Variants in INTS10 observed in about 807,000 individuals in gnomAD.
The protein encoded by INTS10 is integrator complex subunit 10, also known as chromosome 8 open reading frame 35.
A neutral mutation model predicts 94.4 loss-of-function variants in INTS10; 44 were observed. That is an observed-to-expected ratio of 0.47 (90% CI 0.37 to 0.60). The LOEUF (loss-of-function observed/expected upper bound fraction) is 0.60, where lower values mean the gene tolerates loss of function less well. Among genes scored for constraint, INTS10 ranks in the 20% least tolerant of loss-of-function variants. The pLI is 0.00. For missense variants in INTS10, 797 were observed against 868.7 expected (o/e 0.92, Z 1.04); for synonymous variants, 341 against 320.7 (o/e 1.06, Z -0.68).
intron 9 of INTS10, among the ~76,000 whole-genome samples, chr8:19,828,033 A>AC (rs1050888423): frequency 1.3e-5 from 2 of 151,200 alleles, no homozygotes; most frequent in Non-Finnish European, 3.0e-5. Flanking sequence ...ATATAGTGAG[A>AC]CCCCGTCTCT....
At chr8:19,819,529 A>G (rs2066202066) in intron 2 of INTS10, 44 bp from the exon 3 acceptor site, 1 of 1,476,830 alleles carries the variant, frequency 6.8e-7, no homozygotes, top group African/African-American at 1.4e-5. Flanking sequence ...TGGATACTGT[A>G]TAGACTTTGA....
Position 19,845,811 on chromosome 8 carries a change from C to T in INTS10, c.1976+14C>T, listed in dbSNP as rs746485672. The T allele has an allele frequency of 6.3e-7, 1 of 1,575,192 alleles. No homozygotes were observed. The highest frequency in any genetic ancestry group is 8.7e-7 in the Non-Finnish European group (1 of 1,144,656). On this transcript the variant is annotated intron_variant, in intron 16 of 16. Transcript: ENST00000397977. Reference sequence around the variant, plus strand: ...AATGCTGATCAAGTAAGCATGTTCTCTTTTGCTCTTCCATGCTGAGTGCTC... The same window carrying T: ...AATGCTGATCAAGTAAGCATGTTCTTTTTTGCTCTTCCATGCTGAGTGCTC...
Position 19,849,191 on chromosome 8 carries a change from A to C in INTS10, c.1977-2458A>C. On this transcript the variant is annotated intron_variant, in intron 16 of 16. Coordinates refer to ENST00000397977, the MANE Select transcript of INTS10 (RefSeq NM_018142.4). This position sits in a 1 kb window ranked among gnomAD's most constrained non-coding sequence, Gnocchi z 4.6. Reference sequence around the variant, plus strand: ...TCTAGCCCTCCCATGGGGTTACTGCAGCAGGAATTCTTACCTGTGCTTCAG... The same window carrying C: ...TCTAGCCCTCCCATGGGGTTACTGCCGCAGGAATTCTTACCTGTGCTTCAG... 1 of 1,289,768 alleles carries C rather than the reference A, an allele frequency of 7.8e-7. No homozygotes were observed. The highest frequency in any genetic ancestry group is 1.0e-6 in the Non-Finnish European group (1 of 988,810). 79.9% of individuals were successfully genotyped at this position (1,289,768 alleles called of 1,614,324 possible).
intron 13 of INTS10, among the ~76,000 whole-genome samples, chr8:19,840,387 A>C (rs1164154306): frequency 6.6e-6 from 1 of 152,224 alleles, no homozygotes; most frequent in Non-Finnish European, 1.5e-5. Context: ...ATTTCAAGCA[A>C]AATTACAGCA....
At chr8:19,839,336 A>T (rs74415048) in intron 13 of INTS10, among the ~76,000 whole-genome samples, 2,119 of 152,300 alleles carry the variant, frequency 0.014, 57 homozygotes, top group African/African-American at 0.049. Flanking sequence ...TGGAGATTCT[A>T]GGCAGTACAG....
rs1479862876 is a variant in INTS10, at chr8:19,835,809, T to G, written c.1531-1243T>G. On this transcript the variant is annotated intron_variant, in intron 12 of 16. Transcript: ENST00000397977. ...GCTTTTGGGGCAGTCAGCCATGACC[T>G]AGGGCTGCTGGGGCCACCCAAGGTC... 2.6e-5 allele frequency among the ~76,000 whole-genome samples: 4 copies of G among 152,314 alleles called. No homozygotes were observed. The East Asian group carries it at 7.7e-4, about 29-fold the overall frequency.
rs766838619 is a variant in INTS10, at chr8:19,837,145, C to T, written c.1624C>T (p.Pro542Ser). Residue 542 changes from proline (P) to serine (S), a missense_variant, in exon 13 of 17, where the codon CCC becomes TCC. Physicochemically the swap from Pro to Ser is moderately conservative, Grantham distance 74 (BLOSUM62 -1). Coordinates refer to ENST00000397977, the MANE Select transcript of INTS10 (RefSeq NM_018142.4). ...KSQEEPSKVK[P>S]KFRKGSDLKL... ...CCAGGAGGAACCCTCGAAAGTAAAGCCCAAATTTAGAAAAGGTACAGTGAC... is the reference window on the plus strand; with the variant it reads ...CCAGGAGGAACCCTCGAAAGTAAAGTCCAAATTTAGAAAAGGTACAGTGAC... 117 of 1,606,120 alleles carry T rather than the reference C, an allele frequency of 7.3e-5. No individual in the cohort carries two copies. Among genetic ancestry groups the T allele is most frequent in the Non-Finnish European group, 2.2e-5 (26 of 1,172,890 alleles).
chr8:19,840,256 A>G (rs1408910715), intron 13 of INTS10, among the ~76,000 whole-genome samples: 1 of 152,212 alleles, frequency 6.6e-6, no homozygotes, highest in African/African-American at 2.4e-5. Flanking sequence ...TTTGAATATC[A>G]GAAAACATTT....
chr8:19,819,078 A>G (rs7832638), intron 2 of INTS10, among the ~76,000 whole-genome samples: 29,228 of 152,116 alleles, frequency 0.19, 3,030 homozygotes, highest in Middle Eastern at 0.33. Flanking sequence ...CTACATTACC[A>G]CCAATGGTGT....
In INTS10 at chr8:19,823,918, C is replaced by G. The variant is rs1320903426; in HGVS notation, c.710C>G (p.Ser237Cys). 6.2e-7 allele frequency: 1 copy of G among 1,612,866 alleles called. No individual in the cohort carries two copies. The highest frequency in any genetic ancestry group is 8.5e-7 in the Non-Finnish European group (1 of 1,179,624). ...TTAATGTCACCTAGCAAACGTAGCT[C>G]TCAGAAGTACATAATAGAAGGGCTG... ...SDLMSPSKRS[S>C]QKYIIEGLTE... is the part of the protein sequence containing the mutation. The change falls in exon 7 of 17, where the codon TCT becomes TGT. Residue 237 changes from serine (S) to cysteine (C), a missense_variant. Physicochemically the swap from Ser to Cys is moderately radical, Grantham distance 112. Coordinates refer to ENST00000397977, the MANE Select transcript of INTS10 (RefSeq NM_018142.4).
At chr8:19,838,954 C>T (rs1298973986) in intron 13 of INTS10, among the ~76,000 whole-genome samples, 1 of 152,112 alleles carries the variant, frequency 6.6e-6, no homozygotes, top group Non-Finnish European at 1.5e-5. Context: ...CACCTGTAAT[C>T]CCAGCTACTC....
At chr8:19,834,642 G>A (rs1028674346) in intron 12 of INTS10, among the ~76,000 whole-genome samples, 3 of 152,152 alleles carry the variant, frequency 2.0e-5, no homozygotes, top group Non-Finnish European at 2.9e-5. Flanking sequence ...CAACCTCTGA[G>A]TACATCACTA....
chr8:19,825,038 A>AAGG, intron 8 of INTS10, 66 bp downstream of exon 8: 1 of 1,295,154 alleles, frequency 7.7e-7, no homozygotes, highest in Non-Finnish European at 1.1e-6. Context: ...AAGGAAAATG[A>AAGG]AAGTGTTTAT....
chr8:19,817,700 G>T (rs753494534), intron 1 of INTS10, 34 bp downstream of exon 1: 22 of 1,584,014 alleles, frequency 1.4e-5, no homozygotes, highest in Non-Finnish European at 1.9e-5. Context: ...GCCGCTCTGC[G>T]TGGAGGTGCG....
At chr8:19,830,005 T>C (rs2067109370) in intron 9 of INTS10, among the ~76,000 whole-genome samples, 1 of 152,156 alleles carries the variant, frequency 6.6e-6, no homozygotes, top group Admixed American at 6.5e-5. Flanking sequence ...GCCAAACCAT[T>C]ATTTGGAAGC....
chr8:19,849,083 T>C lies in INTS10; in HGVS notation c.1977-2566T>C. On this transcript the variant is annotated intron_variant, in intron 16 of 16. Coordinates refer to ENST00000397977, the MANE Select transcript of INTS10 (RefSeq NM_018142.4). This position sits in a 1 kb window ranked among gnomAD's most constrained non-coding sequence, Gnocchi z 4.6. ...TTAGTCTGCTTCTAGTCTTGTGTAT[T>C]TTCTCTGGAGTGTTGTTTTTGCAGT... The C allele has an allele frequency of 1.7e-6, 1 of 588,500 alleles. No homozygotes were observed. Among genetic ancestry groups the C allele is most frequent in the Admixed American group, 2.4e-5 (1 of 41,544 alleles). The allele number at this position is 588,500 out of a possible 1,614,324, so 36.5% of individuals were successfully genotyped here.
chr8:19,833,057 C>A (rs978075056), intron 11 of INTS10, 112 bp from the exon 12 acceptor site: 6 of 818,282 alleles, frequency 7.3e-6, no homozygotes, highest in South Asian at 3.0e-5. Flanking sequence ...ACCAAGCTAC[C>A]GTCTTTGTAT....
chr8:19,829,557 T>C (rs749954319), intron 9 of INTS10, among the ~76,000 whole-genome samples: 4 of 152,174 alleles, frequency 2.6e-5, no homozygotes, highest in Non-Finnish European at 5.9e-5. Flanking sequence ...ACCAGGACCT[T>C]GCACTGGGGG....
At chr8:19,833,088 G>T in intron 11 of INTS10, 81 bp from the exon 12 acceptor site, 1 of 1,275,986 alleles carries the variant, frequency 7.8e-7, no homozygotes, top group Non-Finnish European at 1.1e-6. Flanking sequence ...TCGTTGCTTC[G>T]TGAACCCTGG....
Sources: gnomAD v4.1 joint callset for allele counts (sites outside exome capture counted in the v4.1 genomes callset) on GRCh38, gnomAD v4.1.1 for gene constraint, Gnocchi (gnomAD v3.1) non-coding constraint, MANE v1.5 for transcripts, NCBI Gene and HGNC (gene_info 2026-07-23, HGNC 2026-07-21) for gene names.